NRXN3: variants seen among roughly 807,000 people sequenced by gnomAD.
NRXN3 encodes the protein neurexin 3.
NRXN3 carries 32 observed loss-of-function variants against 137.6 expected under a neutral mutation model. The observed-to-expected ratio is 0.23, with a 90% CI of 0.18 to 0.31. The LOEUF (loss-of-function observed/expected upper bound fraction) is 0.31, where lower values mean the gene tolerates loss of function less well. Among genes scored for constraint, NRXN3 ranks in the 10% least tolerant of loss-of-function variants. The probability of loss-of-function intolerance (pLI) is 1.00; values close to 1 mark genes in which losing one functional copy is unlikely to be tolerated. For missense variants in NRXN3, 1,574 were observed against 2,062.5 expected (o/e 0.76, Z 4.59); for synonymous variants, 798 against 784.5 (o/e 1.02, Z -0.29).
chr14:79,840,740 G>A (rs776876472), intron 20 of NRXN3, among the ~76,000 whole-genome samples: 14 of 152,100 alleles, frequency 9.2e-5, no homozygotes, highest in Non-Finnish European at 1.6e-4. Context: ...CATTTAACAC[G>A]ATGTCTGGCA....
chr14:78,322,904 T>C (rs941919873), intron 4 of NRXN3, among the ~76,000 whole-genome samples: 2 of 152,014 alleles, frequency 1.3e-5, no homozygotes, highest in Non-Finnish European at 2.9e-5. Flanking sequence ...AGCTGCACCA[T>C]GCATTAGCTA....
chr14:78,860,896 G>A (rs1243598149), intron 10 of NRXN3, among the ~76,000 whole-genome samples: 1 of 152,018 alleles, frequency 6.6e-6, no homozygotes, highest in Non-Finnish European at 1.5e-5. Flanking sequence ...AGTATATTCA[G>A]TGTGAGCTTT....
chr14:79,706,129 G>A (rs1163343520), intron 19 of NRXN3, among the ~76,000 whole-genome samples: 2 of 152,148 alleles, frequency 1.3e-5, no homozygotes, highest in African/African-American at 4.8e-5. Flanking sequence ...GCTGCTCTTG[G>A]ATCTTTGCTC....
At position 78,570,302 on chromosome 14, in the gene NRXN3, G is replaced by C. The variant is rs185289769; in HGVS notation, c.758-74818G>C. On this transcript the variant is annotated intron_variant, in intron 4 of 20. Transcript: ENST00000335750. Reference sequence around the variant, plus strand: ...AGTAAGAAGTCTGCAGTACAGAAGAGGGCTATCACCAGAAGCTGACCATGC... The same window carrying C: ...AGTAAGAAGTCTGCAGTACAGAAGACGGCTATCACCAGAAGCTGACCATGC... Among the ~76,000 whole-genome samples the C allele has an allele frequency of 4.6e-5, 7 of 152,142 alleles. No individual in the cohort carries two copies. The East Asian group carries it at 1.4e-3, about 30-fold the overall frequency.
intron 16 of NRXN3, among the ~76,000 whole-genome samples, chr14:79,474,500 C>A (rs1422059895): frequency 1.3e-5 from 2 of 152,066 alleles, no homozygotes; most frequent in East Asian, 1.9e-4. Context: ...ACAATGAAGA[C>A]TTTTGGAGCA....
intron 8 of NRXN3, 112 bp from the exon 9 acceptor site, chr14:78,803,508 C>A: frequency 1.1e-6 from 1 of 929,178 alleles, no homozygotes; most frequent in Non-Finnish European, 1.7e-6. Context: ...AAACACAAGT[C>A]ACTAGGCTAC....
intron 20 of NRXN3, among the ~76,000 whole-genome samples, chr14:79,846,048 A>G (rs188818102): frequency 1.3e-5 from 2 of 152,250 alleles, no homozygotes; most frequent in East Asian, 1.9e-4. Context: ...CAAAATAGTT[A>G]TAATAGTAAC....
chr14:78,181,226 T>G (rs962796207), intron 1 of NRXN3, among the ~76,000 whole-genome samples: 6 of 152,210 alleles, frequency 3.9e-5, no homozygotes, highest in Non-Finnish European at 8.8e-5. Context: ...CCGAAATGCC[T>G]AGGGAGTTTT....
At chr14:78,857,125 G>A (rs1206869837) in intron 10 of NRXN3, among the ~76,000 whole-genome samples, 1 of 151,676 alleles carries the variant, frequency 6.6e-6, no homozygotes, top group Non-Finnish European at 1.5e-5. Context: ...AACTCTTCAG[G>A]CCAGACTCCT....
chr14:78,520,697 T>C (rs2096272595), intron 4 of NRXN3, among the ~76,000 whole-genome samples: 2 of 152,328 alleles, frequency 1.3e-5, no homozygotes, highest in Non-Finnish European at 1.5e-5. Flanking sequence ...ACTCACAAAC[T>C]TGTGCTAAGA....
At chr14:78,274,875 T>C (rs2073349126) in intron 2 of NRXN3, among the ~76,000 whole-genome samples, 1 of 152,192 alleles carries the variant, frequency 6.6e-6, no homozygotes, top group African/African-American at 2.4e-5. Flanking sequence ...AGGATTACTT[T>C]TTCCCCCTGA....
chr14:78,962,134 A>G (rs1454613784), intron 11 of NRXN3, among the ~76,000 whole-genome samples: 16 of 152,200 alleles, frequency 1.1e-4, no homozygotes, highest in African/African-American at 3.4e-4. Context: ...AAGACAGTTC[A>G]TTGTACTAGT....
At chr14:79,040,613 G>A (rs550417040) in intron 15 of NRXN3, among the ~76,000 whole-genome samples, 48 of 152,234 alleles carry the variant, frequency 3.2e-4, no homozygotes, top group African/African-American at 1.1e-3. Context: ...TAAGGAGCAT[G>A]GACAGAAAGG....
intron 16 of NRXN3, among the ~76,000 whole-genome samples, chr14:79,588,329 C>T (rs1442710754): frequency 2.6e-5 from 4 of 152,142 alleles, no homozygotes; most frequent in African/African-American, 9.7e-5. Flanking sequence ...TAGAATTGCA[C>T]TTTTGTTTAT....
chr14:79,574,479 A>G (rs1366560242), intron 16 of NRXN3, among the ~76,000 whole-genome samples: 2 of 152,210 alleles, frequency 1.3e-5, no homozygotes, highest in Non-Finnish European at 2.9e-5. Flanking sequence ...TAAATCATCT[A>G]GCGTACTGCC....
At chr14:79,373,940 G>A (rs899109971) in intron 15 of NRXN3, among the ~76,000 whole-genome samples, 1 of 152,012 alleles carries the variant, frequency 6.6e-6, no homozygotes, top group Non-Finnish European at 1.5e-5. Context: ...GAAGAAAAAC[G>A]TCATGTTTCA....
intron 17 of NRXN3, among the ~76,000 whole-genome samples, chr14:79,665,712 G>C (rs2098554218): frequency 6.6e-6 from 1 of 152,088 alleles, no homozygotes; most frequent in South Asian, 2.1e-4. Context: ...TTTGCTGCCA[G>C]CAATGAGCAG....
intron 4 of NRXN3, chr14:78,403,998 T>A: frequency 1.9e-6 from 1 of 538,166 alleles, no homozygotes; most frequent in Non-Finnish European, 2.4e-6. Context: ...TTTGGAAGCT[T>A]AAATGTGGGG....
chr14:78,714,997 T>C lies in NRXN3; in HGVS notation c.1902T>C (p.Gly634=), dbSNP rs1324789267. The change falls in exon 8 of 21, where the codon GGT becomes GGC. Residue 634 remains glycine, a synonymous_variant. Coordinates refer to ENST00000335750, the MANE Select transcript of NRXN3 (RefSeq NM_001330195.2). ...RQLAEMQNAA[G]VKSSCSRMSA... ...TGGCAGAGATGCAGAATGCTGCGGG[T>C]GTCAAGTCCTCCTGTTCACGGATGA... 1 of 1,614,062 alleles carries C rather than the reference T, an allele frequency of 6.2e-7. No individual in the cohort carries two copies. Among genetic ancestry groups the C allele is most frequent in the Non-Finnish European group, 8.5e-7 (1 of 1,180,004 alleles).
Sources: allele counts gnomAD v4.1 joint callset (sites outside exome capture counted in the v4.1 genomes callset), GRCh38; gene constraint gnomAD v4.1.1; transcripts MANE v1.5; gene names NCBI Gene and HGNC (gene_info 2026-07-23, HGNC 2026-07-21).